Variants in ZNF385D observed in about 807,000 individuals in gnomAD.
ZNF385D encodes the protein zinc finger protein 659.
A neutral mutation model predicts 35.8 loss-of-function variants in ZNF385D; 15 were observed. That is an observed-to-expected ratio of 0.42 (90% CI 0.28 to 0.64). The LOEUF is 0.64. ZNF385D is among the 30% of genes least tolerant of loss of function. The pLI, the probability that ZNF385D is intolerant of heterozygous loss-of-function variation, is 0.23. For synonymous variants in ZNF385D, 212 were observed against 186.8 expected, an observed-to-expected ratio of 1.13 and a Z score of -1.10; for missense variants, 474 against 494.6, an observed-to-expected ratio of 0.96 and a Z score of 0.39.
intron 2 of ZNF385D, among the ~76,000 whole-genome samples, chr3:22,307,738 C>A (rs529648674): frequency 8.0e-6 from 1 of 124,858 alleles, no homozygotes; most frequent in African/African-American, 2.8e-5. Context: ...AATTTATTGC[C>A]TCTGTTTTAA....
intron 4 of ZNF385D, 42 bp from the exon 5 acceptor site, chr3:21,437,245 G>A (rs1701602766): frequency 6.5e-7 from 1 of 1,535,146 alleles, no homozygotes. Flanking sequence ...AAAAACAATG[G>A]TATTATCTTT....
At chr3:21,641,897 A>C (rs2065617170) in intron 2 of ZNF385D, among the ~76,000 whole-genome samples, 1 of 152,108 alleles carries the variant, frequency 6.6e-6, no homozygotes, top group Admixed American at 6.6e-5. Context: ...TAAATAGGCA[A>C]GCTGGAAGCT....
At chr3:21,863,177 A>G (rs1697153186) in intron 3 of ZNF385D, among the ~76,000 whole-genome samples, 2 of 152,168 alleles carry the variant, frequency 1.3e-5, no homozygotes, top group African/African-American at 4.8e-5. Context: ...TAATTTACTG[A>G]TATTGAACTA....
At chr3:21,809,998 TC>T (rs2072840127) in intron 3 of ZNF385D, among the ~76,000 whole-genome samples, 1 of 152,106 alleles carries the variant, frequency 6.6e-6, no homozygotes, top group African/African-American at 2.4e-5. Flanking sequence ...TACAATATCT[TC>T]CAGAAAATAG....
chr3:22,259,313 A>G (rs975822286), intron 2 of ZNF385D, among the ~76,000 whole-genome samples: 2 of 151,990 alleles, frequency 1.3e-5, no homozygotes, highest in Non-Finnish European at 1.5e-5. Flanking sequence ...CAAGTTTTCC[A>G]AAATTCTAAT....
At chr3:21,979,325 T>C (rs1423840627) in intron 3 of ZNF385D, among the ~76,000 whole-genome samples, 1 of 152,194 alleles carries the variant, frequency 6.6e-6, no homozygotes, top group African/African-American at 2.4e-5. Flanking sequence ...CTATTAATCA[T>C]AACCATATAC....
At position 22,151,219 on chromosome 3, in the gene ZNF385D, T is replaced by C. The variant is rs556779423; in HGVS notation, c.325+17598A>G. On this transcript the variant is annotated intron_variant, in intron 3 of 5. Coordinates refer to the ZNF385D transcript ENST00000494108. ...GTGCATTGGGGCTGGGGAAGGAACA[T>C]CACAGACACATTTGGATATGCTGGC... Among the ~76,000 whole-genome samples the C allele has an allele frequency of 2.3e-4, 35 of 152,142 alleles. 1 individual carries two copies. The South Asian group carries it at 7.1e-3, about 31-fold the overall frequency.
intron 2 of ZNF385D, among the ~76,000 whole-genome samples, chr3:22,260,277 G>A (rs1016465878): frequency 6.6e-6 from 1 of 151,968 alleles, no homozygotes; most frequent in Non-Finnish European, 1.5e-5. Flanking sequence ...TCATAAGTGG[G>A]AGTTGAACAA....
chr3:21,895,004 G>A (rs925609936), intron 3 of ZNF385D, among the ~76,000 whole-genome samples: 1 of 152,114 alleles, frequency 6.6e-6, no homozygotes, highest in East Asian at 1.9e-4. Context: ...CATGCATAAA[G>A]TGAAGTAGGA....
intron 1 of ZNF385D, among the ~76,000 whole-genome samples, chr3:21,724,635 A>C (rs1393926033): frequency 6.6e-6 from 1 of 152,118 alleles, no homozygotes; most frequent in Admixed American, 6.5e-5. Context: ...AGAGCTAACT[A>C]TACTAAATAT....
chr3:22,319,210 T>C (rs1011410701), intron 2 of ZNF385D, among the ~76,000 whole-genome samples: 1 of 152,170 alleles, frequency 6.6e-6, no homozygotes, highest in Admixed American at 6.5e-5. Flanking sequence ...GTCTTTCTTA[T>C]GTGTACAGAA....
chr3:21,701,912 T>C (rs184514110), intron 1 of ZNF385D, among the ~76,000 whole-genome samples: 6 of 152,160 alleles, frequency 3.9e-5, no homozygotes, highest in Admixed American at 6.5e-5. Context: ...AGCAGCCCCG[T>C]CTCTATGGCT....
In ZNF385D at chr3:22,302,582, G is replaced by A. The variant is rs1404033078; in HGVS notation, c.106+69868C>T. Among the ~76,000 whole-genome samples, 4 of 151,738 alleles carry A rather than the reference G, an allele frequency of 2.6e-5. No homozygotes were observed. The East Asian group carries it at 7.7e-4, about 29-fold the overall frequency. ...TGCAAACTCTTTTGGCTATTCTTTTGTTTTTGCTCTCCTATTAAAATTAAG... is the reference window on the plus strand; with the variant it reads ...TGCAAACTCTTTTGGCTATTCTTTTATTTTTGCTCTCCTATTAAAATTAAG... On this transcript the variant is annotated intron_variant, in intron 2 of 5. Transcript: ENST00000494108.
At chr3:21,753,472 C>CA (rs1418088368), upstream of ZNF385D, among the ~76,000 whole-genome samples, 2 of 152,038 alleles carry the variant, frequency 1.3e-5, no homozygotes, top group Non-Finnish European at 2.9e-5. Flanking sequence ...TAGTATACCC[C>CA]AAAAAACAGC....
intron 4 of ZNF385D, among the ~76,000 whole-genome samples, chr3:21,504,729 A>G (rs1226696042): frequency 6.6e-6 from 1 of 152,200 alleles, no homozygotes; most frequent in Non-Finnish European, 1.5e-5. Context: ...ACAAGAAACA[A>G]CAATGGAAAA....
upstream of ZNF385D, chr3:21,751,387 A>G (rs2070077020): frequency 2.0e-6 from 2 of 1,014,942 alleles, no homozygotes; most frequent in African/African-American, 1.7e-5. Flanking sequence ...TTAAAGCGAG[A>G]AGAGTGTCGG....
chr3:22,095,303 C>T (rs979498086), intron 3 of ZNF385D, among the ~76,000 whole-genome samples: 1 of 151,706 alleles, frequency 6.6e-6, no homozygotes, highest in Non-Finnish European at 1.5e-5. Context: ...CTTTATGGAC[C>T]ACTCTATCTT....
chr3:21,960,141 CTA>C (rs1444998915), intron 3 of ZNF385D, among the ~76,000 whole-genome samples: 2 of 150,176 alleles, frequency 1.3e-5, no homozygotes, highest in Admixed American at 1.3e-4. Context: ...TATTTGCATT[CTA>C]TACATCCAAC....
chr3:21,632,214 A>G (rs1311052810), intron 2 of ZNF385D, among the ~76,000 whole-genome samples: 1 of 152,132 alleles, frequency 6.6e-6, no homozygotes, highest in Non-Finnish European at 1.5e-5. Flanking sequence ...TTTTAGTGGT[A>G]GAGAGATGGA....
Sources: allele counts gnomAD v4.1 joint callset (sites outside exome capture counted in the v4.1 genomes callset), GRCh38; gene constraint gnomAD v4.1.1; transcripts MANE v1.5; gene names NCBI Gene and HGNC (gene_info 2026-07-23, HGNC 2026-07-21).